RAB31: variants seen among roughly 807,000 people sequenced by gnomAD.
RAB31 encodes RAB31, member RAS oncogene family.
A neutral mutation model predicts 25.6 loss-of-function variants in RAB31; 21 were observed. The ratio of observed to expected loss-of-function variants is 0.82; its 90% confidence interval spans 0.58 to 1.18. The LOEUF is 1.18. RAB31 is among the 50% of genes most tolerant of loss of function. The pLI, the probability that RAB31 is intolerant of heterozygous loss-of-function variation, is 0.00. For synonymous variants in RAB31, 87 were observed against 84.0 expected (o/e 1.04, Z -0.20); for missense variants, 196 against 250.1 (o/e 0.78, Z 1.46).
chr18:9,855,191 G>T (rs2068809428), intron 6 of RAB31, among the ~76,000 whole-genome samples: 2 of 152,078 alleles, frequency 1.3e-5, no homozygotes, highest in Non-Finnish European at 2.9e-5. Flanking sequence ...TGTTCCTGTG[G>T]AATCATTTCT....
chr18:9,789,259 G>A (rs1235261004), intron 2 of RAB31, among the ~76,000 whole-genome samples: 3 of 152,142 alleles, frequency 2.0e-5, no homozygotes, highest in East Asian at 3.8e-4. Flanking sequence ...GGGAGAGCTT[G>A]GTTAACAGTT....
At chr18:9,808,639 C>G (rs1054496001) in intron 3 of RAB31, among the ~76,000 whole-genome samples, 1 of 152,232 alleles carries the variant, frequency 6.6e-6, no homozygotes, top group Non-Finnish European at 1.5e-5. Flanking sequence ...ACCTTGGGCT[C>G]TTTTTGGCAT....
chr18:9,802,732 G>A (rs1227369674), intron 3 of RAB31, among the ~76,000 whole-genome samples: 1 of 152,230 alleles, frequency 6.6e-6, no homozygotes, highest in East Asian at 1.9e-4. Flanking sequence ...TGTGCCCAGA[G>A]GGCTGGGATG....
chr18:9,819,511 A>G (rs971991719), intron 5 of RAB31, among the ~76,000 whole-genome samples: 9 of 152,176 alleles, frequency 5.9e-5, no homozygotes, highest in African/African-American at 2.2e-4. Flanking sequence ...GAGTCCTTCA[A>G]CGTTGTTCTC....
At chr18:9,842,127 C>T (rs975634630) in intron 5 of RAB31, among the ~76,000 whole-genome samples, 5 of 152,158 alleles carry the variant, frequency 3.3e-5, no homozygotes, top group Non-Finnish European at 5.9e-5. Flanking sequence ...AGCTTCCAGC[C>T]TCTCAGGGGT....
chr18:9,857,864 CAAA>C (rs1184208756), intron 6 of RAB31, among the ~76,000 whole-genome samples: 3 of 133,822 alleles, frequency 2.2e-5, no homozygotes, highest in South Asian at 2.3e-4. Context: ...CCTATCTCTA[CAAA>C]AAAAAAAAAA....
chr18:9,720,307 G>A (rs1320694160), intron 1 of RAB31, among the ~76,000 whole-genome samples: 1 of 152,148 alleles, frequency 6.6e-6, no homozygotes, highest in African/African-American at 2.4e-5. Context: ...GGTGCTATGC[G>A]GTAGTTTCTG....
At chr18:9,813,199 G>A (rs1044507314) in intron 3 of RAB31, among the ~76,000 whole-genome samples, 5 of 152,170 alleles carry the variant, frequency 3.3e-5, no homozygotes, top group African/African-American at 4.8e-5. Context: ...CCTTAGGTAG[G>A]TGTGAAGCCC....
At chr18:9,819,496 A>C (rs2068614897) in intron 5 of RAB31, among the ~76,000 whole-genome samples, 1 of 152,164 alleles carries the variant, frequency 6.6e-6, no homozygotes, top group African/African-American at 2.4e-5. Context: ...GAAATTTAAA[A>C]CTGTGAGTCC....
At chr18:9,800,977 C>G (rs12454158) in intron 3 of RAB31, among the ~76,000 whole-genome samples, 9,399 of 152,244 alleles carry the variant, frequency 0.062, 380 homozygotes, top group East Asian at 0.11. Flanking sequence ...CCAGTTCCCC[C>G]TCTACATCCC....
chr18:9,825,098 T>C (rs2068643446), intron 5 of RAB31, among the ~76,000 whole-genome samples: 1 of 152,162 alleles, frequency 6.6e-6, no homozygotes, highest in Non-Finnish European at 1.5e-5. Context: ...GCTTGCACAG[T>C]TGGGGACATT....
chr18:9,816,296 AT>A (rs1208303356), intron 5 of RAB31: 1 of 172,094 alleles, frequency 5.8e-6, no homozygotes, highest in African/African-American at 2.4e-5. Context: ...GGAAATACAG[AT>A]CTGATGTACC....
At chr18:9,824,569 G>A (rs543983644) in intron 5 of RAB31, among the ~76,000 whole-genome samples, 2 of 152,162 alleles carry the variant, frequency 1.3e-5, no homozygotes, top group Non-Finnish European at 2.9e-5. Context: ...TTTGCTGGAT[G>A]GAAATGGAAT....
intron 6 of RAB31, among the ~76,000 whole-genome samples, chr18:9,855,511 A>G (rs2143153639): frequency 6.6e-6 from 1 of 152,316 alleles, no homozygotes; most frequent in South Asian, 2.1e-4. Flanking sequence ...TCACCTTGGT[A>G]CAGAAAGCCA....
At chr18:9,735,163 G>T (rs969938019) in intron 1 of RAB31, among the ~76,000 whole-genome samples, 2 of 152,044 alleles carry the variant, frequency 1.3e-5, no homozygotes, top group Non-Finnish European at 2.9e-5. Context: ...GATTATAGGC[G>T]CCTGCCACCA....
At chr18:9,816,604 T>C (rs2068600373) in intron 5 of RAB31, among the ~76,000 whole-genome samples, 1 of 152,250 alleles carries the variant, frequency 6.6e-6, no homozygotes, top group East Asian at 1.9e-4. Context: ...ACATTGTATG[T>C]GAGTACCTTG....
chr18:9,792,854 G>A (rs1272062377), intron 3 of RAB31, among the ~76,000 whole-genome samples: 1 of 152,192 alleles, frequency 6.6e-6, no homozygotes, highest in Non-Finnish European at 1.5e-5. Context: ...TAGGCTTAGC[G>A]CCCCAAGGAA....
rs1301957135 is a variant in RAB31 at position 9,855,556 on chromosome 18, G to A, written c.491-3672G>A. On this transcript the variant is annotated intron_variant, in intron 6 of 6. Transcript: ENST00000578921. The stretch of plus-strand genomic sequence containing the variant: ...TCCAAAACCATGCCTTTGTGTAAGT[G>A]CCTTGAACCTTCCGGTAAATTCTGA... 2.0e-5 allele frequency among the ~76,000 whole-genome samples: 3 copies of A among 152,180 alleles called. No individual in the cohort carries two copies. In the East Asian group the frequency reaches 5.8e-4, roughly 29 times the overall value.
intron 2 of RAB31, among the ~76,000 whole-genome samples, chr18:9,789,483 C>T (rs1426587250): frequency 1.3e-5 from 2 of 152,118 alleles, no homozygotes; most frequent in Non-Finnish European, 2.9e-5. Flanking sequence ...ATGTACATAT[C>T]ACTCTGTATC....
Sources: gnomAD v4.1 joint callset for allele counts (sites outside exome capture counted in the v4.1 genomes callset) on GRCh38, gnomAD v4.1.1 for gene constraint, MANE v1.5 for transcripts, NCBI Gene and HGNC (gene_info 2026-07-23, HGNC 2026-07-21) for gene names.